Variants in PLD5 observed in about 807,000 individuals in gnomAD.
PLD5 encodes inactive phospholipase D5.
In PLD5, 36 loss-of-function variants were observed where a neutral mutation model predicts 61.1. The observed-to-expected ratio is 0.59, with a 90% CI of 0.45 to 0.78. PLD5 has a LOEUF of 0.78. PLD5 is among the 30% of genes least tolerant of loss of function. The probability of loss-of-function intolerance (pLI) is 0.00; values close to 1 mark genes in which losing one functional copy is unlikely to be tolerated. For missense variants in PLD5, 515 were observed against 644.4 expected, an observed-to-expected ratio of 0.80 and a Z score of 2.17; for synonymous variants, 243 against 242.8, an observed-to-expected ratio of 1.00 and a Z score of -0.01.
intron 7 of PLD5, among the ~76,000 whole-genome samples, chr1:242,111,664 A>G (rs1661515509): frequency 2.0e-5 from 3 of 152,218 alleles, no homozygotes; most frequent in Admixed American, 2.0e-4. Context: ...TTCTGGGACT[A>G]GATAAAGATG....
At chr1:242,177,421 A>T (rs915959276) in intron 5 of PLD5, among the ~76,000 whole-genome samples, 1 of 152,098 alleles carries the variant, frequency 6.6e-6, no homozygotes, top group East Asian at 1.9e-4. Flanking sequence ...GTTGGGTGGT[A>T]GGGGGCTATG....
At chr1:242,359,829 A>G (rs1033026265) in intron 1 of PLD5, among the ~76,000 whole-genome samples, 1 of 152,220 alleles carries the variant, frequency 6.6e-6, no homozygotes, top group Non-Finnish European at 1.5e-5. Context: ...GCAGTAAATG[A>G]GTCTTTGCTA....
intron 2 of PLD5, among the ~76,000 whole-genome samples, chr1:242,326,249 G>A (rs1658769018): frequency 6.6e-6 from 1 of 152,124 alleles, no homozygotes; most frequent in Non-Finnish European, 1.5e-5. Flanking sequence ...TGCTGGGAAG[G>A]GCTTTGACTG....
chr1:242,173,914 C>T (rs1457489653), intron 5 of PLD5, among the ~76,000 whole-genome samples: 1 of 152,222 alleles, frequency 6.6e-6, no homozygotes, highest in East Asian at 1.9e-4. Context: ...GGATTAAAGA[C>T]TTAAATGTTA....
chr1:242,259,691 C>G (rs901561188), intron 4 of PLD5, among the ~76,000 whole-genome samples: 5 of 145,792 alleles, frequency 3.4e-5, no homozygotes, highest in African/African-American at 1.3e-4. Flanking sequence ...TAAAAGCCTG[C>G]TTTTTTTTTT....
intron 1 of PLD5, among the ~76,000 whole-genome samples, chr1:242,385,298 G>A (rs997989883): frequency 6.6e-6 from 1 of 152,136 alleles, no homozygotes; most frequent in South Asian, 2.1e-4. Flanking sequence ...AACTGAGGCA[G>A]GGCTTGCATA....
intron 1 of PLD5, among the ~76,000 whole-genome samples, chr1:242,417,692 G>C (rs936020014): frequency 1.3e-5 from 2 of 152,222 alleles, no homozygotes; most frequent in Non-Finnish European, 2.9e-5. Context: ...CTAAGCCCCC[G>C]TTATGGGGCT....
chr1:242,178,313 T>G (rs1003018213), intron 5 of PLD5: 3 of 152,198 alleles, frequency 2.0e-5, no homozygotes, highest in East Asian at 3.8e-4. Flanking sequence ...CTTCCCATGT[T>G]CCAAGTCCAC....
Position 242,524,393 on chromosome 1 carries a change from A to G in PLD5, c.-117T>C. 2.2e-6 allele frequency: 2 copies of G among 912,794 alleles called. No homozygotes were observed. The highest frequency in any genetic ancestry group is 4.2e-5 in the South Asian group (1 of 23,812). 56.5% of individuals were successfully genotyped at this position (912,794 alleles called of 1,614,324 possible). A position where few individuals can be genotyped will look rare whatever the true frequency, so the allele number is the denominator to read the frequency against. On this transcript the variant is annotated 5_prime_UTR_variant, in exon 1 of 10. Transcript: ENST00000536534. ...GAGCCGGAGGTGGAGCTGGAGACTGAGCTGGAGGAGCTGGAGGAGCGAGCG... is the reference window on the plus strand; with the variant it reads ...GAGCCGGAGGTGGAGCTGGAGACTGGGCTGGAGGAGCTGGAGGAGCGAGCG...
chr1:242,490,045 T>A (rs1463534995), intron 1 of PLD5, among the ~76,000 whole-genome samples: 1 of 152,220 alleles, frequency 6.6e-6, no homozygotes, highest in African/African-American at 2.4e-5. Flanking sequence ...TCCACTAAAA[T>A]GGGAATGGCA....
chr1:242,286,777 G>A (rs1051796656), intron 3 of PLD5, among the ~76,000 whole-genome samples: 5 of 152,142 alleles, frequency 3.3e-5, no homozygotes, highest in African/African-American at 9.7e-5. Context: ...AATCTGCCTG[G>A]TGTCAATTTC....
chr1:242,481,904 T>C (rs1325391593), intron 1 of PLD5, among the ~76,000 whole-genome samples: 1 of 152,174 alleles, frequency 6.6e-6, no homozygotes, highest in African/African-American at 2.4e-5. Flanking sequence ...TGTTCACCAG[T>C]ATCCACTGTT....
At chr1:242,281,225 T>A (rs1179703035) in intron 3 of PLD5, among the ~76,000 whole-genome samples, 1 of 152,254 alleles carries the variant, frequency 6.6e-6, no homozygotes, top group Non-Finnish European at 1.5e-5. Flanking sequence ...AAACGTTTTA[T>A]AAGTTTGATG....
chr1:242,409,672 C>T (rs1056595477), intron 1 of PLD5, among the ~76,000 whole-genome samples: 2 of 152,164 alleles, frequency 1.3e-5, no homozygotes, highest in African/African-American at 4.8e-5. Flanking sequence ...TATGAGGAGG[C>T]TGGAGAAGGC....
intron 3 of PLD5, among the ~76,000 whole-genome samples, chr1:242,285,098 T>C (rs917597526): frequency 1.3e-5 from 2 of 152,230 alleles, no homozygotes; most frequent in African/African-American, 2.4e-5. Context: ...AGTTCAACGA[T>C]AGTTAGGTCA....
intron 3 of PLD5, among the ~76,000 whole-genome samples, chr1:242,270,741 G>T (rs143692540): frequency 0.024 from 3,689 of 152,242 alleles, 155 homozygotes; most frequent in African/African-American, 0.085. Flanking sequence ...TGGTGCAGGA[G>T]CCAAGGCCAC....
chr1:242,150,343 G>C (rs906779280), intron 5 of PLD5, among the ~76,000 whole-genome samples: 6 of 151,662 alleles, frequency 4.0e-5, no homozygotes, highest in African/African-American at 1.5e-4. Context: ...GTGTTTTCAA[G>C]TTTTCTATAT....
At position 242,247,243 on chromosome 1, in the gene PLD5, G is replaced by A. The variant is rs141103634; in HGVS notation, c.607+18094C>T. Among the ~76,000 whole-genome samples, 169 of 152,216 alleles carry A rather than the reference G, an allele frequency of 1.1e-3. 3 individuals carry two copies. In the East Asian group the frequency reaches 0.018, roughly 16 times the overall value. ...GTGATCCGCCCGCCTCGGCCTCCCA[G>A]AGTGCTGGGATTACAGGCGTGAGCC... On this transcript the variant is annotated intron_variant, in intron 4 of 9. Coordinates refer to ENST00000536534, the MANE Select transcript of PLD5 (RefSeq NM_001372062.1).
intron 2 of PLD5, among the ~76,000 whole-genome samples, chr1:242,292,736 C>A (rs1339021746): frequency 6.6e-6 from 1 of 152,316 alleles, no homozygotes; most frequent in African/African-American, 2.4e-5. Context: ...AAAAATTTTC[C>A]TCCTGTGGTA....
Sources: gnomAD v4.1 joint callset for allele counts (sites outside exome capture counted in the v4.1 genomes callset) on GRCh38, gnomAD v4.1.1 for gene constraint, MANE v1.5 for transcripts, NCBI Gene and HGNC (gene_info 2026-07-23, HGNC 2026-07-21) for gene names.